Variants in MAGI1 observed in about 807,000 individuals in gnomAD.
The protein encoded by MAGI1 is membrane associated guanylate kinase, WW and PDZ domain containing 1, also known as membrane-associated guanylate kinase, WW and PDZ domain-containing protein 1.
A neutral mutation model predicts 139.9 loss-of-function variants in MAGI1; 58 were observed. That is an observed-to-expected ratio of 0.41 (90% CI 0.34 to 0.52). MAGI1 has a LOEUF of 0.52. Among genes scored for constraint, MAGI1 ranks in the 20% least tolerant of loss-of-function variants. The pLI, the probability that MAGI1 is intolerant of heterozygous loss-of-function variation, is 0.12. For missense variants in MAGI1, 1,874 were observed against 1,901.6 expected (o/e 0.99, Z 0.27); for synonymous variants, 812 against 737.9 (o/e 1.10, Z -1.63).
chr3:65,554,537 C>T (rs1248544490), intron 2 of MAGI1, among the ~76,000 whole-genome samples: 1 of 152,152 alleles, frequency 6.6e-6, no homozygotes, highest in East Asian at 1.9e-4. Flanking sequence ...AATGAGTCAG[C>T]TAAGATTACC....
At chr3:65,442,601 T>C (rs1368058704) in intron 8 of MAGI1, among the ~76,000 whole-genome samples, 191 bp downstream of exon 8, 2 of 152,206 alleles carry the variant, frequency 1.3e-5, no homozygotes, top group Non-Finnish European at 2.9e-5. Context: ...GTGAATTTAA[T>C]AATATGATTT....
Position 65,357,076 on chromosome 3 carries a change from T to G in MAGI1, c.3691A>C (p.Arg1231=). 1 of 1,614,112 alleles carries G rather than the reference T, an allele frequency of 6.2e-7. No individual in the cohort carries two copies. Among genetic ancestry groups the G allele is most frequent in the African/African-American group, 1.3e-5 (1 of 75,052 alleles). ...TGCTGCCGGCGGTCGGGCCCGGCCCTCACTTCCGGAACACCTTGTGGACCG... is the reference window on the plus strand; with the variant it reads ...TGCTGCCGGCGGTCGGGCCCGGCCCGCACTTCCGGAACACCTTGTGGACCG... ...ATGPQGVPEV[R]AGPDRRQHPS... is the part of the protein sequence containing the mutation. The change falls in exon 23 of 23, where the codon AGG becomes CGG. Residue 1231 remains arginine, a synonymous_variant. Transcript: ENST00000402939.
At chr3:65,360,347 TCTTC>T in intron 22 of MAGI1, 1 of 977,808 alleles carries the variant, frequency 1.0e-6, no homozygotes. Context: ...GGGCATAGCT[TCTTC>T]TTTTTTTTTT....
At chr3:65,435,207 G>C (rs1395886156) in intron 10 of MAGI1, among the ~76,000 whole-genome samples, 1 of 151,892 alleles carries the variant, frequency 6.6e-6, no homozygotes, top group Non-Finnish European at 1.5e-5. Context: ...GGATGTCTTA[G>C]TCAATCATTA....
intron 2 of MAGI1, among the ~76,000 whole-genome samples, chr3:65,569,905 T>C (rs2080868706): frequency 6.6e-6 from 1 of 151,584 alleles, no homozygotes; most frequent in Non-Finnish European, 1.5e-5. Context: ...AGAATATTTA[T>C]CTGGTGAATT....
chr3:65,934,315 T>G (rs557604872), intron 1 of MAGI1, among the ~76,000 whole-genome samples: 1 of 151,710 alleles, frequency 6.6e-6, no homozygotes, highest in South Asian at 2.1e-4. Flanking sequence ...CAGGCTGGTC[T>G]CAAACTCCTG....
intron 1 of MAGI1, among the ~76,000 whole-genome samples, chr3:65,875,925 G>A (rs1215299446): frequency 6.6e-6 from 1 of 152,074 alleles, no homozygotes; most frequent in Non-Finnish European, 1.5e-5. Context: ...AATCAACATA[G>A]AAACCAACCA....
chr3:65,851,153 C>T (rs2059188981), intron 1 of MAGI1, among the ~76,000 whole-genome samples: 1 of 152,086 alleles, frequency 6.6e-6, no homozygotes, highest in African/African-American at 2.4e-5. Context: ...TAGCTTTGTT[C>T]ACTGCTGTAT....
intron 1 of MAGI1, among the ~76,000 whole-genome samples, chr3:65,679,758 A>T (rs1196149974): frequency 6.6e-6 from 1 of 152,056 alleles, no homozygotes; most frequent in Non-Finnish European, 1.5e-5. Flanking sequence ...GGGTGGGGGG[A>T]AATGTCACCA....
At chr3:65,699,467 G>A (rs2089448954) in intron 1 of MAGI1, among the ~76,000 whole-genome samples, 1 of 140,882 alleles carries the variant, frequency 7.1e-6, no homozygotes, top group African/African-American at 2.8e-5. Context: ...GCAAAGACTT[G>A]GAACCAACCC....
intron 1 of MAGI1, among the ~76,000 whole-genome samples, chr3:65,803,606 C>T (rs559412378): frequency 8.5e-5 from 13 of 152,152 alleles, no homozygotes; most frequent in Admixed American, 4.6e-4. Context: ...TAGGTAAACT[C>T]GTGTCATGGG....
intron 2 of MAGI1, chr3:65,499,108 G>C (rs1576034250): frequency 4.9e-6 from 4 of 822,904 alleles, no homozygotes; most frequent in East Asian, 2.5e-4. Context: ...AAACTATCTA[G>C]TCAACTCCAC....
chr3:65,655,976 A>G (rs532156371), intron 1 of MAGI1, among the ~76,000 whole-genome samples: 1 of 152,302 alleles, frequency 6.6e-6, no homozygotes, highest in Non-Finnish European at 1.5e-5. Context: ...TCTTGGCTAC[A>G]TCTTGAATTC....
chr3:65,910,848 T>C (rs1158317395), intron 1 of MAGI1, among the ~76,000 whole-genome samples: 1 of 140,132 alleles, frequency 7.1e-6, no homozygotes, highest in African/African-American at 2.7e-5. Context: ...CTTTCAGACA[T>C]GGTGGACTTT....
At chr3:65,849,464 C>G (rs2059128311) in intron 1 of MAGI1, among the ~76,000 whole-genome samples, 1 of 103,802 alleles carries the variant, frequency 9.6e-6, no homozygotes. Flanking sequence ...TAAAAGTAAA[C>G]TTTCATATAT....
At chr3:65,995,010 G>A (rs1164899982) in intron 1 of MAGI1, among the ~76,000 whole-genome samples, 1 of 152,072 alleles carries the variant, frequency 6.6e-6, no homozygotes, top group African/African-American at 2.4e-5. Flanking sequence ...AAGTGGTCAG[G>A]TGCTAAACCT....
intron 1 of MAGI1, among the ~76,000 whole-genome samples, chr3:65,751,756 G>A (rs2036171900): frequency 6.6e-6 from 1 of 152,124 alleles, no homozygotes; most frequent in African/African-American, 2.4e-5. Flanking sequence ...TCTCTCTGAA[G>A]AAAATATATT....
intron 1 of MAGI1, among the ~76,000 whole-genome samples, chr3:66,033,255 C>A (rs2068738540): frequency 6.6e-6 from 1 of 152,130 alleles, no homozygotes; most frequent in Non-Finnish European, 1.5e-5. Context: ...AACTCCTGAG[C>A]TCAAGTGATC....
chr3:66,016,619 A>G (rs193159664), intron 1 of MAGI1, among the ~76,000 whole-genome samples: 1 of 152,320 alleles, frequency 6.6e-6, no homozygotes, highest in East Asian at 1.9e-4. Context: ...ACCCAGGGAA[A>G]GTCAGGCAAA....
Sources: allele counts gnomAD v4.1 joint callset (sites outside exome capture counted in the v4.1 genomes callset), GRCh38; gene constraint gnomAD v4.1.1; transcripts MANE v1.5; gene names NCBI Gene and HGNC (gene_info 2026-07-23, HGNC 2026-07-21).